The following GLRA1 variants were observed in gnomAD, a reference collection of about 807,000 sequenced individuals.
GLRA1 encodes the protein glycine receptor alpha 1, also known as glycine receptor subunit alpha-1.
In GLRA1, 37 loss-of-function variants were observed where a neutral mutation model predicts 48.3. The observed-to-expected ratio is 0.77, with a 90% CI of 0.59 to 1.01. GLRA1 has a LOEUF of 1.01. Among genes scored for constraint, GLRA1 ranks in the 50% least tolerant of loss-of-function variants. The pLI, the probability that GLRA1 is intolerant of heterozygous loss-of-function variation, is 0.00. For missense variants in GLRA1, 427 were observed against 571.0 expected, an observed-to-expected ratio of 0.75 and a Z score of 2.57; for synonymous variants, 196 against 210.7, an observed-to-expected ratio of 0.93 and a Z score of 0.60.
At chr5:151,879,799 A>G (rs112520394) in intron 3 of GLRA1, among the ~76,000 whole-genome samples, 7,227 of 152,224 alleles carry the variant, frequency 0.047, 601 homozygotes, top group African/African-American at 0.16. Flanking sequence ...GTTTCGAAAT[A>G]TGAGGACATG....
intron 3 of GLRA1, among the ~76,000 whole-genome samples, chr5:151,874,613 CAACA>C (rs1010756226): frequency 5.9e-5 from 9 of 152,178 alleles, no homozygotes; most frequent in South Asian, 2.1e-4. Flanking sequence ...GCCAATAAGG[CAACA>C]AACAAACAAG....
chr5:151,900,244 A>T (rs1208623615), intron 1 of GLRA1, among the ~76,000 whole-genome samples: 10 of 152,108 alleles, frequency 6.6e-5, no homozygotes, highest in Admixed American at 6.5e-4. Flanking sequence ...GGGACCAGAG[A>T]GTGAGCACCT....
intron 7 of GLRA1, among the ~76,000 whole-genome samples, chr5:151,834,660 C>T (rs1034095100): frequency 6.6e-6 from 1 of 152,058 alleles, no homozygotes; most frequent in African/African-American, 2.4e-5. Context: ...ACATGAAAAA[C>T]CCTTCAAAAA....
At chr5:151,876,202 G>A (rs576522658) in intron 3 of GLRA1, among the ~76,000 whole-genome samples, 8 of 152,254 alleles carry the variant, frequency 5.3e-5, no homozygotes, top group African/African-American at 1.9e-4. Context: ...ATACCCCGTT[G>A]CTGAAACTAC....
chr5:151,867,558 T>C (rs1289255251), intron 3 of GLRA1, among the ~76,000 whole-genome samples: 2 of 152,318 alleles, frequency 1.3e-5, no homozygotes, highest in African/African-American at 4.8e-5. Context: ...TTGCCCCTTA[T>C]TGAGGCCCTA....
Position 151,849,152 on chromosome 5 carries a change from C to CTTTCTTTCTTTCT in GLRA1, c.912+2237_912+2238insAGAAAGAAAGAAA, listed in dbSNP as rs1426307601. 1.1e-4 allele frequency: 14 copies of CTTTCTTTCTTTCT among 132,510 alleles called. 1 individual carries two copies. The South Asian group carries it at 1.9e-3, about 18-fold the overall frequency. 8.2% of individuals were successfully genotyped at this position (132,510 alleles called of 1,614,324 possible). On this transcript the variant is annotated intron_variant, in intron 7 of 8. Transcript: ENST00000274576. The stretch of plus-strand genomic sequence containing the variant: ...TCTTTCTTTCTTTCTTTCTTTCTTT[C>CTTTCTTTCTTTCT]TTTTCTTTTCTTTTCTTTCTTTCTT...
intron 7 of GLRA1, among the ~76,000 whole-genome samples, chr5:151,833,628 T>C (rs1414044584): frequency 6.6e-6 from 1 of 151,974 alleles, no homozygotes. Context: ...CATGCTTGGC[T>C]AATTTTGTAT....
intron 7 of GLRA1, among the ~76,000 whole-genome samples, chr5:151,830,832 AT>A: frequency 6.6e-6 from 1 of 152,364 alleles, no homozygotes; most frequent in South Asian, 2.1e-4. Context: ...ACATTATATT[AT>A]TAAAATGTCC....
chr5:151,877,850 T>TA (rs557831308), intron 3 of GLRA1, among the ~76,000 whole-genome samples: 166 of 152,342 alleles, frequency 1.1e-3, no homozygotes, highest in Middle Eastern at 0.01. Flanking sequence ...CTTTCTTTTG[T>TA]AAATGCCCAG....
chr5:151,892,522 T>G, intron 1 of GLRA1, 84 bp from the exon 2 acceptor site: 1 of 1,434,708 alleles, frequency 7.0e-7, no homozygotes, highest in Non-Finnish European at 9.7e-7. Flanking sequence ...CCAACCTCTG[T>G]AGAACCACAA....
chr5:151,848,895 C>T, intron 7 of GLRA1: 1 of 665,652 alleles, frequency 1.5e-6, no homozygotes, highest in Non-Finnish European at 2.9e-6. Context: ...ATGACCGCCT[C>T]AGCACATTCC....
intron 3 of GLRA1, among the ~76,000 whole-genome samples, chr5:151,871,622 A>G (rs201946855): frequency 6.8e-6 from 1 of 147,010 alleles, no homozygotes; most frequent in Admixed American, 6.7e-5. Context: ...GTGCAGTGGC[A>G]CGATCTCGGC....
chr5:151,844,621 C>CAAAAAAAAAAAAA (rs202218874), intron 7 of GLRA1, among the ~76,000 whole-genome samples: 3 of 49,736 alleles, frequency 6.0e-5, no homozygotes, highest in African/African-American at 1.4e-4. Flanking sequence ...TACTCTATCT[C>CAAAAAAAAAAAAA]AAAAAAAAAA....
At chr5:151,911,600 G>GTATTTTTTT (rs1754610014) in intron 1 of GLRA1, among the ~76,000 whole-genome samples, 1 of 92,342 alleles carries the variant, frequency 1.1e-5, no homozygotes, top group Non-Finnish European at 2.1e-5. Context: ...CCAAGCTAGA[G>GTATTTTTTT]TTTTTTTTTT....
At position 151,843,362 on chromosome 5, in the gene GLRA1, G is replaced by A. The variant is rs193220607; in HGVS notation, c.912+8028C>T. Among the ~76,000 whole-genome samples the A allele has an allele frequency of 5.8e-3, 863 of 148,346 alleles. 12 individuals carry two copies. Among genetic ancestry groups the A allele is most frequent in the African/African-American group, 0.021 (835 of 40,320 alleles). Reference sequence around the variant, plus strand: ...TGCAAGCTCTGCCTCCCGGGTTCACGCCATTCTCCTGCCTCAGCCTCCTGA... The same window carrying A: ...TGCAAGCTCTGCCTCCCGGGTTCACACCATTCTCCTGCCTCAGCCTCCTGA... On this transcript the variant is annotated intron_variant, in intron 7 of 8. Transcript: ENST00000274576.
At chr5:151,905,891 T>C (rs944972931) in intron 1 of GLRA1, among the ~76,000 whole-genome samples, 3 of 152,198 alleles carry the variant, frequency 2.0e-5, no homozygotes, top group Admixed American at 1.3e-4. Context: ...AAGCCCAACA[T>C]TGCTTCGTGC....
At position 151,844,960 on chromosome 5, in the gene GLRA1, G is replaced by C. The variant is rs117160895; in HGVS notation, c.912+6430C>G. ...AGCCATCATGTGCAGAGATCACATG[G>C]TGAGAGAGGAAGCAAGAAGTGGGTG... On this transcript the variant is annotated intron_variant, in intron 7 of 8. Coordinates refer to ENST00000274576, the MANE Select transcript of GLRA1 (RefSeq NM_000171.4). 5.3e-3 allele frequency among the ~76,000 whole-genome samples: 803 copies of C among 152,258 alleles called. 21 individuals are homozygous for C. The East Asian group carries it at 0.069, about 13-fold the overall frequency.
intron 1 of GLRA1, among the ~76,000 whole-genome samples, chr5:151,915,846 T>G (rs1286334907): frequency 6.6e-6 from 1 of 152,154 alleles, no homozygotes; most frequent in Non-Finnish European, 1.5e-5. Context: ...AGGTAATGTA[T>G]GCAGACATTG....
At chr5:151,824,703 C>T (rs1264071755) in intron 8 of GLRA1, among the ~76,000 whole-genome samples, 1 of 152,148 alleles carries the variant, frequency 6.6e-6, no homozygotes, top group African/African-American at 2.4e-5. Flanking sequence ...GCCGCTCCTG[C>T]TGTGTGCTCC....
Sources: gnomAD v4.1 joint callset for allele counts (sites outside exome capture counted in the v4.1 genomes callset) on GRCh38, gnomAD v4.1.1 for gene constraint, MANE v1.5 for transcripts, NCBI Gene and HGNC (gene_info 2026-07-23, HGNC 2026-07-21) for gene names.